Variants in TMPRSS11F observed in about 807,000 individuals in gnomAD.
The protein encoded by TMPRSS11F is transmembrane protease serine 11F.
A neutral mutation model predicts 60.2 loss-of-function variants in TMPRSS11F; 47 were observed. The ratio of observed to expected loss-of-function variants is 0.78; its 90% CI spans 0.62 to 1.00. TMPRSS11F has a LOEUF of 1.00. Ranked by LOEUF, TMPRSS11F falls within the 50% of genes least tolerant of loss-of-function variation. The pLI is 0.00. For missense variants in TMPRSS11F, 519 were observed against 522.9 expected, an observed-to-expected ratio of 0.99 and a Z score of 0.07; for synonymous variants, 166 against 167.3, an observed-to-expected ratio of 0.99 and a Z score of 0.06.
Position 68,072,340 on chromosome 4 carries a change from G to A in TMPRSS11F, c.497C>T (p.Pro166Leu). The A allele has an allele frequency of 3.2e-6, 5 of 1,579,622 alleles. No homozygotes were observed. The highest frequency in any genetic ancestry group is 1.7e-4 in the Middle Eastern group (1 of 5,744). The change falls in exon 5 of 10, where the codon CCA becomes CTA. Residue 166 changes from proline to leucine, a missense_variant. Pro to Leu is a moderately conservative substitution (Grantham distance 98, BLOSUM62 -3). Transcript: ENST00000356291. ...AGACTTACGTGTGAGTCTAAATGATGGTTTGTTTATGGTCAAAGACAATTG... is the reference window on the plus strand; with the variant it reads ...AGACTTACGTGTGAGTCTAAATGATAGTTTGTTTATGGTCAAAGACAATTG... The part of the protein sequence containing the change: ...TKQLSLTINK[P>L]SFRLTPIDSK...
chr4:68,064,432 C>T (rs1049018972), intron 8 of TMPRSS11F, among the ~76,000 whole-genome samples: 1 of 152,130 alleles, frequency 6.6e-6, no homozygotes, highest in Non-Finnish European at 1.5e-5. Context: ...GGTGATCCGC[C>T]AGCCTTGGCC....
In TMPRSS11F at chr4:68,118,443, A is replaced by T. The variant is rs563209135; in HGVS notation, c.11+11367T>A. Among the ~76,000 whole-genome samples the T allele has an allele frequency of 3.2e-4, 48 of 152,260 alleles. 1 individual carries two copies. The highest frequency in any genetic ancestry group is 1.9e-4 in the East Asian group (1 of 5,186). ...ATTACACGTATACAAAAACATTTTT[A>T]AAAAAATACTATAACTCACCAAAGA... is the stretch of plus-strand genomic sequence containing the variant. On this transcript the variant is annotated intron_variant, in intron 1 of 9. Coordinates refer to ENST00000356291, the MANE Select transcript of TMPRSS11F (RefSeq NM_207407.2).
At chr4:68,086,594 T>G (rs1723818730) in intron 3 of TMPRSS11F, among the ~76,000 whole-genome samples, 1 of 151,958 alleles carries the variant, frequency 6.6e-6, no homozygotes, top group Non-Finnish European at 1.5e-5. Flanking sequence ...AATTTTTGGT[T>G]TATTGAAAGA....
At chr4:68,111,473 A>T (rs1724409012) in intron 1 of TMPRSS11F, among the ~76,000 whole-genome samples, 1 of 152,186 alleles carries the variant, frequency 6.6e-6, no homozygotes, top group Admixed American at 6.5e-5. Context: ...CATCTGAAAA[A>T]TGGTGATAAT....
In TMPRSS11F at chr4:68,072,335, A is replaced by G. The variant is rs751822708; in HGVS notation, c.502T>C (p.Phe168Leu). The G allele has an allele frequency of 1.3e-6, 2 of 1,577,826 alleles. No individual in the cohort carries two copies. Among genetic ancestry groups the G allele is most frequent in the Non-Finnish European group, 1.7e-6 (2 of 1,160,366 alleles). Residue 168 changes from phenylalanine to leucine, a missense_variant, in exon 5 of 10, where the codon TTT (phenylalanine) becomes CTT (leucine). Physicochemically the swap from Phe to Leu is conservative, Grantham distance 22. Transcript: ENST00000356291. ...ATAAAAGACTTACGTGTGAGTCTAA[A>G]TGATGGTTTGTTTATGGTCAAAGAC... Reference protein sequence around the residue: ...QLSLTINKPSFRLTPIDSKKM... With the variant: ...QLSLTINKPSLRLTPIDSKKM...
chr4:68,119,156 A>G (rs932977687), intron 1 of TMPRSS11F, among the ~76,000 whole-genome samples: 7 of 152,178 alleles, frequency 4.6e-5, no homozygotes, highest in African/African-American at 1.7e-4. Context: ...TGTTAAGGCC[A>G]TAGCCTAATC....
intron 9 of TMPRSS11F, among the ~76,000 whole-genome samples, chr4:68,057,619 G>T (rs140137394): frequency 3.3e-5 from 5 of 152,108 alleles, no homozygotes; most frequent in Admixed American, 6.6e-5. Flanking sequence ...TTTGATAAGG[G>T]CTTATATCCA....
chr4:68,054,918 A>G (rs928839815), intron 9 of TMPRSS11F, among the ~76,000 whole-genome samples: 1 of 152,222 alleles, frequency 6.6e-6, no homozygotes, highest in Non-Finnish European at 1.5e-5. Context: ...TACCATCATG[A>G]TACGTGCTAT....
In TMPRSS11F at chr4:68,087,994, T is replaced by C. The variant is rs545438175; in HGVS notation, c.282+2529A>G. ...GTTTGGTTTTTTGTTCTTGCGATAG[T>C]TTACTGAGAATGATGATTTCCAATT... On this transcript the variant is annotated intron_variant, in intron 3 of 9. Coordinates refer to ENST00000356291, the MANE Select transcript of TMPRSS11F (RefSeq NM_207407.2). 6.6e-5 allele frequency among the ~76,000 whole-genome samples: 10 copies of C among 151,598 alleles called. No individual in the cohort carries two copies. In the East Asian group the frequency reaches 1.8e-3, roughly 27 times the overall value.
chr4:68,071,481 A>G (rs2109844453), intron 5 of TMPRSS11F, among the ~76,000 whole-genome samples: 1 of 152,332 alleles, frequency 6.6e-6, no homozygotes, highest in Admixed American at 6.5e-5. Context: ...CATAACAAGA[A>G]GCAATGAAAG....
intron 8 of TMPRSS11F, among the ~76,000 whole-genome samples, chr4:68,061,304 A>C (rs1335068746): frequency 6.6e-6 from 1 of 152,226 alleles, no homozygotes; most frequent in Non-Finnish European, 1.5e-5. Context: ...AATTTTGCAA[A>C]TACAACTTTC....
chr4:68,064,188 TC>T (rs1723271200), intron 8 of TMPRSS11F, among the ~76,000 whole-genome samples: 1 of 150,550 alleles, frequency 6.6e-6, no homozygotes. Context: ...TTCTTTTTTT[TC>T]TTTTTTTTTT....
At position 68,059,492 on chromosome 4, in the gene TMPRSS11F, A is replaced by G. The variant is rs548535227; in HGVS notation, c.1016-24T>C. ...TCCTATTGCACAAATGGATAAAAAA[A>G]CAAATAAACAGTATTCCTCAAATAC... is the stretch of plus-strand genomic sequence containing the variant. On this transcript the variant is annotated intron_variant, in intron 8 of 9. Transcript: ENST00000356291. 50 of 1,604,746 alleles carry G rather than the reference A, an allele frequency of 3.1e-5. No individual in the cohort carries two copies. The South Asian group carries it at 4.9e-4, about 16-fold the overall frequency.
intron 1 of TMPRSS11F, among the ~76,000 whole-genome samples, chr4:68,104,015 G>T (rs988893069): frequency 1.3e-5 from 2 of 152,152 alleles, no homozygotes; most frequent in Non-Finnish European, 2.9e-5. Context: ...ACCCCGCAAC[G>T]TTATAAAATT....
intron 3 of TMPRSS11F, chr4:68,080,469 T>G (rs1723675329): frequency 6.6e-6 from 1 of 152,278 alleles, no homozygotes; most frequent in South Asian, 2.1e-4. Flanking sequence ...AGTTCACACC[T>G]GCACTTCTCC....
intron 1 of TMPRSS11F, among the ~76,000 whole-genome samples, chr4:68,125,107 T>C (rs1045733264): frequency 1.3e-5 from 2 of 151,810 alleles, no homozygotes; most frequent in African/African-American, 4.8e-5. Context: ...ACTTGAACCA[T>C]ATGAAATTGC....
intron 1 of TMPRSS11F, among the ~76,000 whole-genome samples, chr4:68,124,272 G>A (rs1724675394): frequency 6.6e-6 from 1 of 151,694 alleles, no homozygotes; most frequent in Non-Finnish European, 1.5e-5. Context: ...GGGGCCAAGG[G>A]CATGGTGCCT....
intron 1 of TMPRSS11F, among the ~76,000 whole-genome samples, chr4:68,103,297 A>C (rs2109874786): frequency 6.6e-6 from 1 of 152,204 alleles, no homozygotes; most frequent in East Asian, 1.9e-4. Context: ...ACTTAAAAAA[A>C]TAGTCAGTTG....
chr4:68,109,594 T>A (rs139272590), intron 1 of TMPRSS11F, among the ~76,000 whole-genome samples: 2 of 152,172 alleles, frequency 1.3e-5, no homozygotes, highest in South Asian at 4.1e-4. Context: ...AAAGAGCCAA[T>A]AGTTTATGTT....
Sources: gnomAD v4.1 joint callset for allele counts (sites outside exome capture counted in the v4.1 genomes callset) on GRCh38, gnomAD v4.1.1 for gene constraint, MANE v1.5 for transcripts, NCBI Gene and HGNC (gene_info 2026-07-23, HGNC 2026-07-21) for gene names.